Variants in SCCPDH observed in about 807,000 individuals in gnomAD.
The protein encoded by SCCPDH is saccharopine dehydrogenase-like oxidoreductase.
A neutral mutation model predicts 51.5 loss-of-function variants in SCCPDH; 34 were observed. That is an observed-to-expected ratio of 0.66 (90% confidence interval 0.50 to 0.88). The LOEUF is 0.88. Ranked by LOEUF, SCCPDH falls within the 40% of genes least tolerant of loss-of-function variation. The pLI is 0.00. For synonymous variants in SCCPDH, 187 were observed against 191.3 expected (o/e 0.98, Z 0.19); for missense variants, 464 against 527.1 (o/e 0.88, Z 1.17).
chr1:246,735,897 C>A, intron 2 of SCCPDH, 78 bp from the exon 3 acceptor site: 1 of 919,960 alleles, frequency 1.1e-6, no homozygotes, highest in Non-Finnish European at 1.7e-6. Context: ...GGACTGTTTA[C>A]TTCCAGGATT....
chr1:246,743,422 A>C (rs1668709420), intron 4 of SCCPDH, among the ~76,000 whole-genome samples: 1 of 151,608 alleles, frequency 6.6e-6, no homozygotes, highest in South Asian at 2.1e-4. Flanking sequence ...ATCTCTACTA[A>C]AAATACAAAA....
intron 5 of SCCPDH, among the ~76,000 whole-genome samples, chr1:246,756,384 C>CTGTACTTGTAGTACT (rs1392005190): frequency 2.6e-5 from 4 of 152,186 alleles, no homozygotes; most frequent in Non-Finnish European, 4.4e-5. Context: ...TGCTGGTTAC[C>CTGTACTTGTAGTACT]TGTAGTTCTT....
In SCCPDH at chr1:246,727,011, A is replaced by G. The variant is rs750855481; in HGVS notation, c.303+7A>G. On this transcript the variant is annotated splice_region_variant and intron_variant, in intron 2 of 11. Transcript: ENST00000366510. Reference sequence around the variant, plus strand: ...CCTCAATTGCGTAGGACCAGTAAGTAATCAACCCTTCTTTGTATCAGAACA... The same window carrying G: ...CCTCAATTGCGTAGGACCAGTAAGTGATCAACCCTTCTTTGTATCAGAACA... 1.2e-5 allele frequency: 19 copies of G among 1,544,216 alleles called. No individual in the cohort carries two copies. The highest frequency in any genetic ancestry group is 2.7e-5 in the African/African-American group (2 of 73,584).
At chr1:246,752,957 C>G (rs1050112397) in intron 5 of SCCPDH, among the ~76,000 whole-genome samples, 2 of 151,992 alleles carry the variant, frequency 1.3e-5, no homozygotes, top group South Asian at 2.1e-4. Context: ...CCCTTTGCCT[C>G]TTCGTCTGTG....
intron 2 of SCCPDH, among the ~76,000 whole-genome samples, chr1:246,731,673 G>A (rs957112796): frequency 1.5e-4 from 23 of 152,352 alleles, no homozygotes; most frequent in Middle Eastern, 3.4e-3. Context: ...TCTGTGACAT[G>A]CTAAGAAATT....
chr1:246,759,925 A>G, intron 7 of SCCPDH, 32 bp from the exon 8 acceptor site: 3 of 1,595,350 alleles, frequency 1.9e-6, no homozygotes, highest in Non-Finnish European at 2.6e-6. Context: ...TGTAGGGAGT[A>G]ATGTTCTAAC....
chr1:246,748,706 T>C (rs1037648475), intron 5 of SCCPDH, among the ~76,000 whole-genome samples: 1 of 152,202 alleles, frequency 6.6e-6, no homozygotes, highest in African/African-American at 2.4e-5. Context: ...GTTCTCCTCA[T>C]GGAACTCCAG....
intron 8 of SCCPDH, 32 bp from the exon 9 acceptor site, chr1:246,760,139 A>C: frequency 6.3e-7 from 1 of 1,597,810 alleles, no homozygotes; most frequent in South Asian, 1.2e-5. Context: ...AGTTTTAAAA[A>C]AATATCACTG....
intron 4 of SCCPDH, among the ~76,000 whole-genome samples, chr1:246,743,757 G>C (rs1668715196): frequency 6.6e-6 from 1 of 152,140 alleles, no homozygotes; most frequent in African/African-American, 2.4e-5. Flanking sequence ...ACTGTCATCA[G>C]TTTTTAAATA....
intron 5 of SCCPDH, among the ~76,000 whole-genome samples, chr1:246,747,146 G>A (rs1377281245): frequency 6.6e-6 from 1 of 151,936 alleles, no homozygotes; most frequent in Non-Finnish European, 1.5e-5. Context: ...TTCCCCTCTT[G>A]TTTCTCCCTT....
At chr1:246,746,508 C>T (rs1668763675) in intron 5 of SCCPDH, among the ~76,000 whole-genome samples, 1 of 152,122 alleles carries the variant, frequency 6.6e-6, no homozygotes. Context: ...AGAAACTGGG[C>T]ATAAGACAAT....
chr1:246,732,008 C>G (rs1255150396), intron 2 of SCCPDH, among the ~76,000 whole-genome samples: 1 of 152,078 alleles, frequency 6.6e-6, no homozygotes, highest in Non-Finnish European at 1.5e-5. Context: ...ATGATGGTTT[C>G]CAGCTTCATC....
At chr1:246,731,567 T>C (rs1668490214) in intron 2 of SCCPDH, among the ~76,000 whole-genome samples, 1 of 152,116 alleles carries the variant, frequency 6.6e-6, no homozygotes, top group Non-Finnish European at 1.5e-5. Flanking sequence ...GCACACTGGG[T>C]GTGAAGAAGC....
At chr1:246,734,690 C>T (rs1167419618) in intron 2 of SCCPDH, among the ~76,000 whole-genome samples, 4 of 152,162 alleles carry the variant, frequency 2.6e-5, no homozygotes, top group African/African-American at 9.7e-5. Context: ...TTAAGTGTCC[C>T]TTGTTCCTCA....
chr1:246,745,891 G>A (rs1357244338), intron 5 of SCCPDH, among the ~76,000 whole-genome samples: 13 of 151,724 alleles, frequency 8.6e-5, no homozygotes, highest in Non-Finnish European at 1.3e-4. Flanking sequence ...GGCAGATCAC[G>A]AGGTCAGGAG....
intron 5 of SCCPDH, among the ~76,000 whole-genome samples, chr1:246,756,912 C>G (rs528378828): frequency 2.1e-4 from 32 of 152,256 alleles, no homozygotes; most frequent in African/African-American, 7.5e-4. Context: ...TTGAATCTTT[C>G]TGAATTACTC....
chr1:246,729,744 C>T (rs1482363478), intron 2 of SCCPDH, among the ~76,000 whole-genome samples: 2 of 152,150 alleles, frequency 1.3e-5, no homozygotes, highest in Non-Finnish European at 2.9e-5. Context: ...GAAATTATAA[C>T]AGTATTGATT....
chr1:246,738,288 G>A (rs528089472), intron 3 of SCCPDH, among the ~76,000 whole-genome samples: 15 of 151,620 alleles, frequency 9.9e-5, no homozygotes, highest in African/African-American at 2.7e-4. Flanking sequence ...CGAGGCAGGC[G>A]GATCACGAGG....
At chr1:246,766,248 C>A in intron 11 of SCCPDH, 109 bp downstream of exon 11, 1 of 748,302 alleles carries the variant, frequency 1.3e-6, no homozygotes. Context: ...ATTTATAGTT[C>A]AGTTCCTTTG....
Sources: allele counts gnomAD v4.1 joint callset (sites outside exome capture counted in the v4.1 genomes callset), GRCh38; gene constraint gnomAD v4.1.1; transcripts MANE v1.5; gene names NCBI Gene and HGNC (gene_info 2026-07-23, HGNC 2026-07-21).